LRMDA: variants seen among roughly 807,000 people sequenced by gnomAD.
LRMDA encodes leucine-rich melanocyte differentiation-associated protein.
Under a neutral mutation model 29.8 loss-of-function variants are expected in LRMDA, and 18 were observed. The ratio of observed to expected loss-of-function variants is 0.60; its 90% CI spans 0.42 to 0.90. The LOEUF is 0.90. Among genes scored for constraint, LRMDA ranks in the 40% least tolerant of loss-of-function variants. The pLI is 0.00. For synonymous variants in LRMDA, 125 were observed against 109.4 expected, an observed-to-expected ratio of 1.14 and a Z score of -0.89; for missense variants, 273 against 273.9, an observed-to-expected ratio of 1.00 and a Z score of 0.02.
At chr10:76,454,136 T>C (rs553609737) in intron 6 of LRMDA, among the ~76,000 whole-genome samples, 1 of 152,316 alleles carries the variant, frequency 6.6e-6, no homozygotes, top group Admixed American at 6.5e-5. Flanking sequence ...TCACATGTAG[T>C]ATGAAGCTAA....
At chr10:75,801,247 A>T (rs903924488) in intron 2 of LRMDA, among the ~76,000 whole-genome samples, 1 of 152,212 alleles carries the variant, frequency 6.6e-6, no homozygotes, top group African/African-American at 2.4e-5. Flanking sequence ...AGATGTATGC[A>T]GATTTCCTCC....
intron 2 of LRMDA, among the ~76,000 whole-genome samples, chr10:76,003,360 C>G (rs1465884107): frequency 6.6e-6 from 1 of 152,156 alleles, no homozygotes; most frequent in Non-Finnish European, 1.5e-5. Context: ...AGGAACGTCC[C>G]CTGGCCCACC....
At chr10:76,017,445 C>T (rs1847896819) in intron 2 of LRMDA, among the ~76,000 whole-genome samples, 1 of 152,202 alleles carries the variant, frequency 6.6e-6, no homozygotes, top group South Asian at 2.1e-4. Context: ...TTTTAAGCCA[C>T]CCAGTTGGTG....
intron 5 of LRMDA, among the ~76,000 whole-genome samples, chr10:76,274,676 TG>T (rs1449394157): frequency 6.6e-6 from 1 of 152,184 alleles, no homozygotes; most frequent in Non-Finnish European, 1.5e-5. Flanking sequence ...AAAAGAATGA[TG>T]GAACATCTCT....
rs986345940 is a variant in LRMDA, at chr10:76,271,732, A to C, written c.517-52669A>C. 9.2e-5 allele frequency among the ~76,000 whole-genome samples: 14 copies of C among 152,322 alleles called. No individual in the cohort carries two copies. The East Asian group carries it at 2.5e-3, about 27-fold the overall frequency. ...CCTAAAGGAAGATCTAAATGGCATT[A>C]TAAGAAGCTGCTTTTACCCCAAGAC... On this transcript the variant is annotated intron_variant, in intron 5 of 6. Transcript: ENST00000611255.
At chr10:75,710,417 A>G (rs940459523) in intron 2 of LRMDA, among the ~76,000 whole-genome samples, 4 of 152,242 alleles carry the variant, frequency 2.6e-5, no homozygotes, top group African/African-American at 4.8e-5. Flanking sequence ...ACTAGGCGTG[A>G]TGCTTCAGAT....
chr10:75,504,078 C>A (rs1215950188), intron 2 of LRMDA, among the ~76,000 whole-genome samples: 1 of 147,972 alleles, frequency 6.8e-6, no homozygotes, highest in Non-Finnish European at 1.5e-5. Context: ...TGCAGTGGTA[C>A]AATCACGGCT....
chr10:76,210,017 T>C lies in LRMDA; in HGVS notation c.517-114384T>C, dbSNP rs1265077877. 2.0e-5 allele frequency among the ~76,000 whole-genome samples: 3 copies of C among 152,132 alleles called. No individual in the cohort carries two copies. The East Asian group carries it at 5.8e-4, about 29-fold the overall frequency. On this transcript the variant is annotated intron_variant, in intron 5 of 6. Transcript: ENST00000611255. ...GTAAAAGCGCATAGCTACAAATGAG[T>C]GGGCAGATTTACCACCTTCTCCCCA...
rs1839967826 is a variant in LRMDA, at chr10:75,537,793, C to T, written c.131+99299C>T. ...CATTTAATCACTCCTATCTGTTTTT[C>T]CCCTCCTTTCTAGAGATGTTCCATA... On this transcript the variant is annotated intron_variant, in intron 2 of 6. Coordinates refer to ENST00000611255, the MANE Select transcript of LRMDA (RefSeq NM_001305581.2). Among the ~76,000 whole-genome samples, 3 of 152,264 alleles carry T rather than the reference C, an allele frequency of 2.0e-5. No individual in the cohort carries two copies. The South Asian group carries it at 6.2e-4, about 32-fold the overall frequency.
chr10:75,490,764 C>T (rs987623374), intron 2 of LRMDA, among the ~76,000 whole-genome samples: 2 of 152,152 alleles, frequency 1.3e-5, no homozygotes, highest in Non-Finnish European at 2.9e-5. Flanking sequence ...GGCCTAGACT[C>T]TGAAACCAAG....
chr10:76,080,591 G>A (rs754717038), intron 5 of LRMDA, among the ~76,000 whole-genome samples: 1 of 152,236 alleles, frequency 6.6e-6, no homozygotes, highest in Non-Finnish European at 1.5e-5. Context: ...GTGGATGCTT[G>A]CTAGAGGTCA....
intron 2 of LRMDA, among the ~76,000 whole-genome samples, chr10:75,617,432 C>T (rs2039943157): frequency 6.6e-6 from 1 of 152,144 alleles, no homozygotes; most frequent in Admixed American, 6.6e-5. Context: ...TTGAGTGTCC[C>T]CTTCTATGTT....
In LRMDA at chr10:75,887,466, C is replaced by T. The variant is rs1429628235; in HGVS notation, c.132-148542C>T. 2.6e-5 allele frequency among the ~76,000 whole-genome samples: 4 copies of T among 152,160 alleles called. No individual in the cohort carries two copies. The East Asian group carries it at 7.7e-4, about 29-fold the overall frequency. ...TGAATTTGTTTCCCCCGAACATCATCTCTGTCTTAGCAGGCTTCAGTGTGG... is the reference window on the plus strand; with the variant it reads ...TGAATTTGTTTCCCCCGAACATCATTTCTGTCTTAGCAGGCTTCAGTGTGG... On this transcript the variant is annotated intron_variant, in intron 2 of 6. Transcript: ENST00000611255.
chr10:76,530,938 C>T (rs1185781372), intron 6 of LRMDA, among the ~76,000 whole-genome samples: 1 of 152,140 alleles, frequency 6.6e-6, no homozygotes, highest in Non-Finnish European at 1.5e-5. Flanking sequence ...GGTCTCAATG[C>T]TGATGTAGAA....
Position 75,817,519 on chromosome 10 carries a change from G to C in LRMDA, c.132-218489G>C, listed in dbSNP as rs140776071. Reference sequence around the variant, plus strand: ...AGGGGGAAAATATGTGCTAGAAGTGGTCAGAAAAGTCTCTTTAGAGTAATG... The same window carrying C: ...AGGGGGAAAATATGTGCTAGAAGTGCTCAGAAAAGTCTCTTTAGAGTAATG... On this transcript the variant is annotated intron_variant, in intron 2 of 6. Coordinates refer to ENST00000611255, the MANE Select transcript of LRMDA (RefSeq NM_001305581.2). 5.7e-3 allele frequency among the ~76,000 whole-genome samples: 871 copies of C among 152,262 alleles called. 40 individuals carry two copies. Among genetic ancestry groups the C allele is most frequent in the Non-Finnish European group, 1.2e-3 (79 of 68,030 alleles).
intron 2 of LRMDA, among the ~76,000 whole-genome samples, chr10:75,884,723 G>A (rs1418419689): frequency 6.6e-6 from 1 of 152,162 alleles, no homozygotes; most frequent in African/African-American, 2.4e-5. Flanking sequence ...TGTGTAGTCT[G>A]CTTTTTCTAG....
chr10:76,313,449 G>T (rs1840653524), intron 5 of LRMDA, among the ~76,000 whole-genome samples: 1 of 152,128 alleles, frequency 6.6e-6, no homozygotes, highest in Non-Finnish European at 1.5e-5. Context: ...TCTAAATCTT[G>T]ATCAATAAGG....
intron 6 of LRMDA, among the ~76,000 whole-genome samples, chr10:76,327,090 A>C (rs1041279343): frequency 3.0e-5 from 3 of 98,732 alleles, no homozygotes; most frequent in East Asian, 2.2e-4. Context: ...AGTCCAAATC[A>C]TCTTTTTTTT....
chr10:75,505,974 C>A (rs1228421732), intron 2 of LRMDA, among the ~76,000 whole-genome samples: 2 of 152,200 alleles, frequency 1.3e-5, no homozygotes, highest in African/African-American at 4.8e-5. Flanking sequence ...ACCTAAAATA[C>A]AAACACAGAG....
Sources: allele counts gnomAD v4.1 joint callset (sites outside exome capture counted in the v4.1 genomes callset), GRCh38; gene constraint gnomAD v4.1.1; transcripts MANE v1.5; gene names NCBI Gene and HGNC (gene_info 2026-07-23, HGNC 2026-07-21).